Variants in KLHL12 observed in about 807,000 individuals in gnomAD.
The protein encoded by KLHL12 is kelch like family member 12.
KLHL12 carries 17 observed loss-of-function variants against 60.8 expected under a neutral mutation model. That is an observed-to-expected ratio of 0.28 (90% confidence interval 0.19 to 0.42). The LOEUF (loss-of-function observed/expected upper bound fraction) is 0.42, where lower values mean the gene tolerates loss of function less well. KLHL12 is among the 10% of genes least tolerant of loss of function. The pLI is 1.00. For missense variants in KLHL12, 468 were observed against 722.3 expected (o/e 0.65, Z 4.04); for synonymous variants, 220 against 250.9 (o/e 0.88, Z 1.16).
At position 202,911,096 on chromosome 1, in the gene KLHL12, G is replaced by A; in HGVS notation, c.675C>T (p.Pro225=). The A allele has an allele frequency of 6.2e-7, 1 of 1,614,058 alleles. No individual in the cohort carries two copies. Among genetic ancestry groups the A allele is most frequent in the East Asian group, 2.2e-5 (1 of 44,876 alleles). The change falls in exon 5 of 12, where the codon CCC becomes CCT. Residue 225 remains proline (P), a synonymous_variant. Transcript: ENST00000367261. ...CTGTGATATACCTGGGGGTTAGTAG[G>A]GGCATCCGCACATACTGTAGCAGGT... ...LPNLLQYVRM[P]LLTPRYITDV...
chr1:202,898,025 C>T (rs1452588085), intron 6 of KLHL12, among the ~76,000 whole-genome samples: 3 of 152,138 alleles, frequency 2.0e-5, no homozygotes, highest in African/African-American at 7.2e-5. Context: ...TTCTGACAGC[C>T]TTTATATCTT....
At position 202,909,021 on chromosome 1, in the gene KLHL12, C is replaced by T. The variant is rs1660278109; in HGVS notation, c.821G>A (p.Arg274Lys). 1.2e-6 allele frequency: 2 copies of T among 1,612,714 alleles called. No homozygotes were observed. The highest frequency in any genetic ancestry group is 1.7e-6 in the Non-Finnish European group (2 of 1,178,858). Residue 274 changes from arginine (R) to lysine (K), a missense_variant, in exon 6 of 12, where the codon AGG (arginine) becomes AAG (lysine). Arg to Lys is a conservative substitution (Grantham distance 26). Transcript: ENST00000367261. The surrounding 1 kb of genome is among the most constrained non-coding windows in gnomAD (Gnocchi z 4.1). Reference sequence around the variant, plus strand: ...AGATACCAGCTTACCTAGGCGAGCCCTTGTCCTGGGTCCCTGCATCTGACT... The same window carrying T: ...AGATACCAGCTTACCTAGGCGAGCCTTTGTCCTGGGTCCCTGCATCTGACT... ...LRSQMQGPRT[R>K]ARLGANEVLL...
intron 4 of KLHL12, among the ~76,000 whole-genome samples, chr1:202,915,456 C>T (rs1043210393): frequency 1.3e-5 from 2 of 152,070 alleles, no homozygotes; most frequent in Non-Finnish European, 2.9e-5. Flanking sequence ...AAGCAAAGGG[C>T]AGTCTTGACA....
In KLHL12 at chr1:202,927,171, T is replaced by G. The variant is rs1278031145; in HGVS notation, c.-128A>C. 2 of 984,834 alleles carry G rather than the reference T, an allele frequency of 2.0e-6. No homozygotes were observed. Among genetic ancestry groups the G allele is most frequent in the East Asian group, 1.1e-4 (1 of 8,738 alleles). 61.0% of individuals were successfully genotyped at this position (984,834 alleles called of 1,614,324 possible). On this transcript the variant is annotated 5_prime_UTR_variant, in exon 1 of 12. Transcript: ENST00000367261. ...GTGCGGCGCGGGGCTAGCAGGCGGC[T>G]CGGGAGGAGCCGAAGCGCCGCCCAG...
intron 5 of KLHL12, among the ~76,000 whole-genome samples, chr1:202,910,034 G>A (rs1487216847): frequency 1.3e-5 from 2 of 152,068 alleles, no homozygotes; most frequent in Non-Finnish European, 2.9e-5. Flanking sequence ...CTATTAACCT[G>A]ACCCAAGAAG....
rs1215155368 is a variant in KLHL12, at chr1:202,894,361, A to G, written c.1295-79T>C. ...GGTCGGTTTTTTTCTGAGTGCTTCA[A>G]CTAATTATTTTAGTTTCAATTTTCC... On this transcript the variant is annotated intron_variant, in intron 9 of 11. Coordinates refer to ENST00000367261, the MANE Select transcript of KLHL12 (RefSeq NM_021633.4). The G allele has an allele frequency of 3.0e-6, 3 of 994,002 alleles. No homozygotes were observed. The East Asian group carries it at 7.8e-5, about 26-fold the overall frequency. The allele number at this position is 994,002 out of a possible 1,614,324, so 61.6% of individuals were successfully genotyped here.
In KLHL12 at chr1:202,925,089, G is replaced by C. The variant is rs572043272; in HGVS notation, c.74C>G (p.Ser25Cys). 1.2e-6 allele frequency: 2 copies of C among 1,614,114 alleles called. No homozygotes were observed. The highest frequency in any genetic ancestry group is 1.7e-5 in the Admixed American group (1 of 60,004). ...ACAGAGGGTATTGCTCTTCCTGAGGGAGTTCATTGAATTGAGGATGGATTT... is the reference window on the plus strand; with the variant it reads ...ACAGAGGGTATTGCTCTTCCTGAGGCAGTTCATTGAATTGAGGATGGATTT... Reference protein sequence around the residue: ...HAKSILNSMNSLRKSNTLCDV... With the variant: ...HAKSILNSMNCLRKSNTLCDV... Residue 25 changes from serine to cysteine, a missense_variant, in exon 2 of 12, where the codon TCC (serine) becomes TGC (cysteine). Ser to Cys is a moderately radical substitution (Grantham distance 112, BLOSUM62 -1). This residue lies in a region of KLHL12 where 61 missense variants were observed against 59.9 expected (regional missense o/e 1.02). Coordinates refer to ENST00000367261, the MANE Select transcript of KLHL12 (RefSeq NM_021633.4).
upstream of KLHL12, chr1:202,928,380 G>A (rs1006797364): frequency 7.0e-5 from 40 of 573,714 alleles, no homozygotes; most frequent in African/African-American, 7.6e-4. Context: ...TCGGCGATTG[G>A]CTGAGCCTGA....
chr1:202,906,507 T>C (rs2102426646), intron 6 of KLHL12, among the ~76,000 whole-genome samples: 1 of 132,990 alleles, frequency 7.5e-6, no homozygotes, highest in East Asian at 2.1e-4. Flanking sequence ...AAAGGCAAAA[T>C]TGGGAGTTTA....
Position 202,919,939 on chromosome 1 carries a change from G to C in KLHL12, c.196-31C>G, listed in dbSNP as rs570065414. 5.1e-6 allele frequency: 8 copies of C among 1,577,468 alleles called. No individual in the cohort carries two copies. In the South Asian group the frequency reaches 9.0e-5, roughly 18 times the overall value. ...AATTCAAAAGGTATAAAAGAATGAT[G>C]GTTATAATTCCACAAGATAAAGGCA... On this transcript the variant is annotated intron_variant, in intron 2 of 11. Coordinates refer to ENST00000367261, the MANE Select transcript of KLHL12 (RefSeq NM_021633.4).
intron 11 of KLHL12, 139 bp from the exon 12 acceptor site, chr1:202,892,798 T>TG (rs1419782359): frequency 1.3e-6 from 1 of 746,622 alleles, no homozygotes. Flanking sequence ...CTGGGCAACA[T>TG]GGTGAGACCC....
chr1:202,927,809 A>C (rs1281243637), upstream of KLHL12, among the ~76,000 whole-genome samples: 1 of 146,060 alleles, frequency 6.8e-6, no homozygotes, highest in Non-Finnish European at 1.5e-5. Flanking sequence ...GTGAAACCCT[A>C]TCTCTACTGA....
At chr1:202,908,630 A>G (rs1372731477) in intron 6 of KLHL12, among the ~76,000 whole-genome samples, 1 of 152,140 alleles carries the variant, frequency 6.6e-6, no homozygotes, top group Non-Finnish European at 1.5e-5. Context: ...GAAAAACCAC[A>G]TAAGGGGAAG....
chr1:202,900,042 T>C (rs1421543685), intron 6 of KLHL12, among the ~76,000 whole-genome samples: 1 of 152,090 alleles, frequency 6.6e-6, no homozygotes, highest in Non-Finnish European at 1.5e-5. Context: ...ATAGACAAGG[T>C]AAGTGTGATC....
At chr1:202,914,002 C>T (rs758876070) in intron 4 of KLHL12, among the ~76,000 whole-genome samples, 4 of 152,102 alleles carry the variant, frequency 2.6e-5, no homozygotes, top group African/African-American at 7.2e-5. Context: ...CTCTGTTCTA[C>T]AGCAAAAAAG....
intron 6 of KLHL12, among the ~76,000 whole-genome samples, chr1:202,898,058 C>T (rs1160590171): frequency 1.3e-5 from 2 of 151,812 alleles, no homozygotes; most frequent in Non-Finnish European, 2.9e-5. Context: ...ACGCCTTACT[C>T]TGATAAAATA....
rs552424872 is a variant in KLHL12, at chr1:202,921,125, C to T, written c.196-1217G>A. 5.3e-5 allele frequency among the ~76,000 whole-genome samples: 8 copies of T among 152,122 alleles called. 1 individual carries two copies. In the South Asian group the frequency reaches 8.3e-4, roughly 16 times the overall value. On this transcript the variant is annotated intron_variant, in intron 2 of 11. Transcript: ENST00000367261. The stretch of plus-strand genomic sequence containing the variant: ...TCCCAGGTTCAAGTGTTTCTCGTGC[C>T]TCAGCCTCCCAAGTAGCTGGGATTA...
chr1:202,896,491 C>T (rs530404779), intron 7 of KLHL12, among the ~76,000 whole-genome samples: 1 of 152,228 alleles, frequency 6.6e-6, no homozygotes, highest in Non-Finnish European at 1.5e-5. Context: ...ACGCCCAGCC[C>T]AAACTTCTGA....
intron 4 of KLHL12, among the ~76,000 whole-genome samples, chr1:202,916,445 G>C (rs752742787): frequency 6.6e-6 from 1 of 152,224 alleles, no homozygotes; most frequent in African/African-American, 2.4e-5. Context: ...AGGAGTTCCA[G>C]AGCAGCCTGG....
Sources: gnomAD v4.1 joint callset for allele counts (sites outside exome capture counted in the v4.1 genomes callset) on GRCh38, gnomAD v4.1.1 for gene constraint, gnomAD v4.1.1 regional missense constraint, Gnocchi (gnomAD v3.1) non-coding constraint, MANE v1.5 for transcripts, NCBI Gene and HGNC (gene_info 2026-07-23, HGNC 2026-07-21) for gene names.